The following MTCH2 variants were observed in gnomAD, a reference collection of about 807,000 sequenced individuals.
MTCH2 encodes the protein mitochondrial carrier homolog 2.
Under a neutral mutation model 50.6 loss-of-function variants are expected in MTCH2, and 25 were observed. That is an observed-to-expected ratio of 0.49 (90% confidence interval 0.36 to 0.69). The LOEUF (loss-of-function observed/expected upper bound fraction) is 0.69, where lower values mean the gene tolerates loss of function less well. Among genes scored for constraint, MTCH2 ranks in the 30% least tolerant of loss-of-function variants. MTCH2 has a pLI of 0.00. For synonymous variants in MTCH2, 106 were observed against 132.0 expected (o/e 0.80, Z 1.35); for missense variants, 273 against 384.4 (o/e 0.71, Z 2.42).
chr11:47,624,958 C>G (rs2097296626), intron 11 of MTCH2, among the ~76,000 whole-genome samples: 1 of 151,972 alleles, frequency 6.6e-6, no homozygotes, highest in African/African-American at 2.4e-5. Context: ...CATGGTGGCA[C>G]ATGCCTGTAA....
intron 5 of MTCH2, among the ~76,000 whole-genome samples, chr11:47,632,889 A>G (rs941832425): frequency 6.7e-6 from 1 of 149,360 alleles, no homozygotes; most frequent in Non-Finnish European, 1.5e-5. Flanking sequence ...TTTAGTAGAG[A>G]TGGGATTTCG....
At chr11:47,615,478 G>C (rs1164839661), downstream of MTCH2, among the ~76,000 whole-genome samples, 1 of 152,130 alleles carries the variant, frequency 6.6e-6, no homozygotes, top group African/African-American at 2.4e-5. Context: ...CAAAGAGATG[G>C]CACTAGAACT....
chr11:47,630,951 G>T, intron 7 of MTCH2, 85 bp downstream of exon 7: 2 of 1,082,722 alleles, frequency 1.8e-6, no homozygotes, highest in Non-Finnish European at 2.8e-6. Flanking sequence ...AAATTGTAAG[G>T]GTATCATAAA....
the MTCH2 span, among the ~76,000 whole-genome samples, chr11:47,612,184 T>C: frequency 6.6e-6 from 1 of 152,258 alleles, no homozygotes; most frequent in African/African-American, 2.4e-5. Flanking sequence ...GAGGCCTAGG[T>C]AGGCAGATGG....
chr11:47,636,551 G>C (rs756526601), intron 3 of MTCH2, among the ~76,000 whole-genome samples: 11 of 151,786 alleles, frequency 7.2e-5, no homozygotes, highest in Non-Finnish European at 1.5e-4. Flanking sequence ...GGCTGACATG[G>C]CGAAACCCCC....
intron 11 of MTCH2, among the ~76,000 whole-genome samples, chr11:47,624,578 A>G (rs2097296279): frequency 6.6e-6 from 1 of 152,066 alleles, no homozygotes; most frequent in African/African-American, 2.4e-5. Flanking sequence ...AGGAAGGAGA[A>G]TCACTTGAGC....
chr11:47,638,950 A>T lies in MTCH2; in HGVS notation c.172+17T>A, dbSNP rs776980870. On this transcript the variant is annotated intron_variant, in intron 2 of 12. Coordinates refer to ENST00000302503, the MANE Select transcript of MTCH2 (RefSeq NM_014342.4). ...TCCTCAACGTCATGCAAACCCAAAT[A>T]AATCAAAGGCACTTACCATAACTAA... 5.6e-6 allele frequency: 9 copies of T among 1,599,502 alleles called. No homozygotes were observed. The highest frequency in any genetic ancestry group is 7.7e-6 in the Non-Finnish European group (9 of 1,172,526).
the MTCH2 span, among the ~76,000 whole-genome samples, chr11:47,609,645 A>G: frequency 2.0e-5 from 3 of 149,756 alleles, no homozygotes; most frequent in East Asian, 1.9e-4. Context: ...AAAAAAAAAA[A>G]AAAAAAGAAA....
At chr11:47,623,074 A>C (rs2097294751) in intron 11 of MTCH2, among the ~76,000 whole-genome samples, 1 of 152,182 alleles carries the variant, frequency 6.6e-6, no homozygotes, top group African/African-American at 2.4e-5. Flanking sequence ...ACATGATTAA[A>C]GAGCAGGGAA....
Position 47,629,852 on chromosome 11 carries a change from G to T in MTCH2, c.539+703C>A, listed in dbSNP as rs151327192. ...CTAAGTTCTTCCAAAGTAAATTCAA[G>T]CCTTGCAAAAACTTACTCTTTTACG... On this transcript the variant is annotated intron_variant, in intron 8 of 12. Transcript: ENST00000302503. Among the ~76,000 whole-genome samples, 158 of 151,478 alleles carry T rather than the reference G, an allele frequency of 1.0e-3. 1 individual carries two copies. The East Asian group carries it at 0.029, about 27-fold the overall frequency.
chr11:47,642,527 C>T lies in MTCH2; in HGVS notation c.-62G>A. 1.4e-6 allele frequency: 2 copies of T among 1,477,218 alleles called. No individual in the cohort carries two copies. The highest frequency in any genetic ancestry group is 1.8e-6 in the Non-Finnish European group (2 of 1,097,488). The allele number at this position is 1,477,218 out of a possible 1,614,324, so 91.5% of individuals were successfully genotyped here. ...CCACCAAGCGACCCGGTGAGCCGGTCCTAGGTCACGTGCCAGGGCCGCCGG... is the reference window on the plus strand; with the variant it reads ...CCACCAAGCGACCCGGTGAGCCGGTTCTAGGTCACGTGCCAGGGCCGCCGG... On this transcript the variant is annotated 5_prime_UTR_variant, in exon 1 of 13. Transcript: ENST00000302503.
chr11:47,625,632 A>G (rs980104644), intron 11 of MTCH2, 42 bp downstream of exon 11: 2 of 1,181,490 alleles, frequency 1.7e-6, no homozygotes, highest in Non-Finnish European at 2.2e-6. Flanking sequence ...CTGTCAGCAT[A>G]CAGTCAACCA....
At chr11:47,621,406 C>T (rs1307483015) in intron 12 of MTCH2, among the ~76,000 whole-genome samples, 1 of 150,926 alleles carries the variant, frequency 6.6e-6, no homozygotes, top group African/African-American at 2.4e-5. Flanking sequence ...AAATTTAGCC[C>T]ACAGCCAATC....
At chr11:47,609,055 C>T in the MTCH2 span, among the ~76,000 whole-genome samples, 95 of 119,306 alleles carry the variant, frequency 8.0e-4, 1 homozygote, top group South Asian at 0.025. Context: ...ACTTGGGGGG[C>T]GGAAGTTGCG....
At chr11:47,632,248 T>C (rs1345438248) in intron 5 of MTCH2, among the ~76,000 whole-genome samples, 1 of 152,208 alleles carries the variant, frequency 6.6e-6, no homozygotes, top group African/African-American at 2.4e-5. Flanking sequence ...TCCTAGTTTA[T>C]CTTTCTACTC....
intron 11 of MTCH2, among the ~76,000 whole-genome samples, chr11:47,624,123 T>A (rs1183061505): frequency 6.6e-6 from 1 of 151,682 alleles, no homozygotes; most frequent in Non-Finnish European, 1.5e-5. Flanking sequence ...TCCCAGCTAC[T>A]CAGGAGGCTG....
chr11:47,630,206 C>T (rs552172239), intron 8 of MTCH2, among the ~76,000 whole-genome samples: 1 of 152,124 alleles, frequency 6.6e-6, no homozygotes, highest in East Asian at 1.9e-4. Flanking sequence ...GGGGTTTTAC[C>T]ATGTTGGCCA....
At chr11:47,622,992 A>G (rs1316719717) in intron 11 of MTCH2, among the ~76,000 whole-genome samples, 1 of 152,204 alleles carries the variant, frequency 6.6e-6, no homozygotes, top group Non-Finnish European at 1.5e-5. Flanking sequence ...ATAAACATAA[A>G]CTTCAACCTT....
At position 47,618,828 on chromosome 11, in the gene MTCH2, C is replaced by T. The variant is rs958226242; in HGVS notation, c.*5G>A. 1.9e-6 allele frequency: 3 copies of T among 1,612,292 alleles called. No homozygotes were observed. The highest frequency in any genetic ancestry group is 2.5e-6 in the Non-Finnish European group (3 of 1,178,328). ...CAGAAATGTCACTGTCCCTGCCCCACATCTTCAAATTAACATTTTCAGGTC... is the reference window on the plus strand; with the variant it reads ...CAGAAATGTCACTGTCCCTGCCCCATATCTTCAAATTAACATTTTCAGGTC... On this transcript the variant is annotated 3_prime_UTR_variant, in exon 13 of 13. Coordinates refer to ENST00000302503, the MANE Select transcript of MTCH2 (RefSeq NM_014342.4).
Sources: gnomAD v4.1 joint callset for allele counts (sites outside exome capture counted in the v4.1 genomes callset) on GRCh38, gnomAD v4.1.1 for gene constraint, MANE v1.5 for transcripts, NCBI Gene and HGNC (gene_info 2026-07-23, HGNC 2026-07-21) for gene names.